ORC2: variants seen among roughly 807,000 people sequenced by gnomAD.
ORC2 encodes the protein origin recognition complex subunit 2.
ORC2 carries 37 observed loss-of-function variants against 77.7 expected under a neutral mutation model. The ratio of observed to expected loss-of-function variants is 0.48; its 90% CI spans 0.37 to 0.63. The LOEUF (loss-of-function observed/expected upper bound fraction) is 0.63, where lower values mean the gene tolerates loss of function less well. ORC2 is among the 20% of genes least tolerant of loss of function. The pLI is 0.00. For missense variants in ORC2, 557 were observed against 661.9 expected, an observed-to-expected ratio of 0.84 and a Z score of 1.74; for synonymous variants, 201 against 229.5, an observed-to-expected ratio of 0.88 and a Z score of 1.12.
At chr2:200,931,276 A>T in intron 11 of ORC2, 63 bp downstream of exon 11, 2 of 679,120 alleles carry the variant, frequency 2.9e-6, no homozygotes, top group Non-Finnish European at 4.7e-6. Context: ...AACTTACTTT[A>T]ACATAAAGAT....
intron 10 of ORC2, 22 bp from the exon 11 acceptor site, chr2:200,931,470 GA>G (rs763764215): frequency 7.6e-6 from 10 of 1,308,986 alleles, no homozygotes; most frequent in Admixed American, 2.1e-5. Context: ...AGGAGGAGGG[GA>G]AAAAAGTCAT....
intron 14 of ORC2, 31 bp from the exon 15 acceptor site, chr2:200,920,424 C>T (rs764971056): frequency 4.1e-6 from 6 of 1,450,186 alleles, no homozygotes; most frequent in Admixed American, 2.2e-5. Flanking sequence ...ACAAGAATTA[C>T]AAATTATTTT....
chr2:200,942,296 G>C (rs188885409), intron 6 of ORC2, among the ~76,000 whole-genome samples: 1 of 152,300 alleles, frequency 6.6e-6, no homozygotes, highest in African/African-American at 2.4e-5. Context: ...TTTTAATCTA[G>C]TTAGAATGGA....
Position 200,920,406 on chromosome 2 carries a change from C to T in ORC2, c.1295-13G>A. On this transcript the variant is annotated splice_polypyrimidine_tract_variant and intron_variant, in intron 14 of 17. Transcript: ENST00000234296. ...GCATGATCCCACACTAGCACATGAT[C>T]AAAGAAAACAAGAATTACAAATTAT... 1 of 1,484,880 alleles carries T rather than the reference C, an allele frequency of 6.7e-7. No homozygotes were observed. Among genetic ancestry groups the T allele is most frequent in the Non-Finnish European group, 9.0e-7 (1 of 1,109,976 alleles). 92.0% of individuals were successfully genotyped at this position (1,484,880 alleles called of 1,614,324 possible).
At chr2:200,942,825 T>C (rs2041180479) in intron 5 of ORC2, 48 bp from the exon 6 acceptor site, 1 of 1,140,680 alleles carries the variant, frequency 8.8e-7, no homozygotes, top group Non-Finnish European at 1.3e-6. Context: ...CAACAGTAGA[T>C]AAAGAGGGAA....
chr2:200,918,172 A>G (rs2040690871), intron 15 of ORC2, among the ~76,000 whole-genome samples: 3 of 152,218 alleles, frequency 2.0e-5, no homozygotes, highest in Admixed American at 2.0e-4. Context: ...ATATATCGTC[A>G]CACTACTATC....
At chr2:200,954,883 GGAATGAAT>G (rs773669787) in intron 4 of ORC2, among the ~76,000 whole-genome samples, 1 of 143,690 alleles carries the variant, frequency 7.0e-6, no homozygotes, top group African/African-American at 2.6e-5. Flanking sequence ...CCCAGTGTGA[GGAATGAAT>G]GAATGAATGA....
chr2:200,928,674 C>T (rs1046251754), intron 11 of ORC2, among the ~76,000 whole-genome samples: 3 of 151,634 alleles, frequency 2.0e-5, no homozygotes, highest in East Asian at 2.0e-4. Flanking sequence ...ATTAGCTGGG[C>T]GTGGTGGCAG....
intron 16 of ORC2, 159 bp from the exon 17 acceptor site, chr2:200,913,572 CA>C: frequency 7.5e-7 from 1 of 1,329,348 alleles, no homozygotes. Flanking sequence ...ACAAGTAAGT[CA>C]TGAGAGCAGA....
At chr2:200,962,676 T>C (rs546233790) in intron 1 of ORC2, among the ~76,000 whole-genome samples, 96 of 152,352 alleles carry the variant, frequency 6.3e-4, no homozygotes, top group African/African-American at 2.1e-3. Context: ...ACCATGCAGA[T>C]CTCTTGTACA....
chr2:200,916,505 C>T (rs1464795955), intron 15 of ORC2, among the ~76,000 whole-genome samples: 2 of 151,922 alleles, frequency 1.3e-5, no homozygotes, highest in East Asian at 1.9e-4. Context: ...CTTGCATCAG[C>T]GTAGCCAGTG....
chr2:200,951,621 G>A (rs2041358701), intron 4 of ORC2, among the ~76,000 whole-genome samples: 1 of 152,074 alleles, frequency 6.6e-6, no homozygotes, highest in South Asian at 2.1e-4. Context: ...ATGATATTGA[G>A]CATATTTTCA....
chr2:200,922,065 GA>G (rs1249386739), intron 13 of ORC2, among the ~76,000 whole-genome samples: 2 of 146,406 alleles, frequency 1.4e-5, no homozygotes, highest in Non-Finnish European at 3.0e-5. Flanking sequence ...GGATTTCTCA[GA>G]AAGCATTATA....
In ORC2 at chr2:200,960,481, TAGAGAA is replaced by T. The variant is rs565635969; in HGVS notation, c.-59-1047_-59-1042del. On this transcript the variant is annotated intron_variant, in intron 1 of 17. Transcript: ENST00000234296. ...CCTATTATGGGGAAACTGGGTGTATTAGAGAAAAAGTTTAACCCATTTATGTAATAT... is the reference window on the plus strand; with the variant it reads ...CCTATTATGGGGAAACTGGGTGTATTAAAGTTTAACCCATTTATGTAATAT... Among the ~76,000 whole-genome samples, 283 of 152,320 alleles carry T rather than the reference TAGAGAA, an allele frequency of 1.9e-3. 3 individuals are homozygous for T. The highest frequency in any genetic ancestry group is 6.4e-3 in the African/African-American group (267 of 41,570).
chr2:200,951,617 T>C (rs1269571154), intron 4 of ORC2, among the ~76,000 whole-genome samples: 1 of 152,234 alleles, frequency 6.6e-6, no homozygotes, highest in Non-Finnish European at 1.5e-5. Context: ...TGATATGATA[T>C]TGAGCATATT....
intron 2 of ORC2, 79 bp downstream of exon 2, chr2:200,959,313 G>A (rs2041527695): frequency 6.6e-6 from 1 of 152,162 alleles, no homozygotes; most frequent in Admixed American, 6.5e-5. Context: ...TTAACTGCAG[G>A]AAGAAAACTA....
chr2:200,913,616 TG>T (rs2040588939), intron 16 of ORC2: 1 of 1,293,108 alleles, frequency 7.7e-7, no homozygotes, highest in Non-Finnish European at 9.8e-7. Flanking sequence ...AAATCATTTT[TG>T]CCAAAGGGGA....
chr2:200,923,717 T>C (rs1294795010), intron 13 of ORC2, among the ~76,000 whole-genome samples: 8 of 152,164 alleles, frequency 5.3e-5, no homozygotes, highest in African/African-American at 1.9e-4. Flanking sequence ...ATTTTAACAC[T>C]ATGCTTGCGG....
intron 14 of ORC2, 52 bp from the exon 15 acceptor site, chr2:200,920,445 T>C (rs2040736924): frequency 7.5e-7 from 1 of 1,339,518 alleles, no homozygotes; most frequent in African/African-American, 1.5e-5. Flanking sequence ...TATATTGTCA[T>C]GTTACTAGAT....
Sources: gnomAD v4.1 joint callset for allele counts (sites outside exome capture counted in the v4.1 genomes callset) on GRCh38, gnomAD v4.1.1 for gene constraint, MANE v1.5 for transcripts, NCBI Gene and HGNC (gene_info 2026-07-23, HGNC 2026-07-21) for gene names.